Variants in CPNE8 observed in about 807,000 individuals in gnomAD.
CPNE8 encodes the protein copine-8.
CPNE8 carries 45 observed loss-of-function variants against 81.5 expected under a neutral mutation model. The ratio of observed to expected loss-of-function variants is 0.55; its 90% confidence interval spans 0.44 to 0.71. The LOEUF (loss-of-function observed/expected upper bound fraction) is 0.71. Among genes scored for constraint, CPNE8 ranks in the 30% least tolerant of loss-of-function variants. CPNE8 has a pLI of 0.00. For synonymous variants in CPNE8, 252 were observed against 226.3 expected (o/e 1.11, Z -1.02); for missense variants, 594 against 672.1 (o/e 0.88, Z 1.28).
chr12:38,675,893 G>T (rs1254158675), intron 17 of CPNE8, 119 bp from the exon 18 acceptor site: 44 of 698,760 alleles, frequency 6.3e-5, no homozygotes, highest in Non-Finnish European at 2.2e-5. Context: ...GCCAAAGAAG[G>T]AGGATTGCTT....
chr12:38,906,493 A>C, upstream of CPNE8: 6 of 985,718 alleles, frequency 6.1e-6, no homozygotes, highest in Non-Finnish European at 7.2e-6. Flanking sequence ...AAGGCATGAA[A>C]GTTCTGACCT....
In CPNE8 at chr12:38,775,538, A is replaced by G. The variant is rs999712511; in HGVS notation, c.471+700T>C. 3.9e-5 allele frequency among the ~76,000 whole-genome samples: 6 copies of G among 152,162 alleles called. No homozygotes were observed. In the East Asian group the frequency reaches 9.6e-4, roughly 24 times the overall value. ...AATTCCCAGAGATCTGCTGGCCCAC[A>G]TTAAACAGACAATATTGACTTCAGA... On this transcript the variant is annotated intron_variant, in intron 7 of 19. Coordinates refer to ENST00000331366, the MANE Select transcript of CPNE8 (RefSeq NM_153634.3).
chr12:38,685,814 T>C (rs1476018889), intron 15 of CPNE8, 197 bp from the exon 16 acceptor site: 1 of 430,280 alleles, frequency 2.3e-6, no homozygotes, highest in African/African-American at 2.0e-5. Flanking sequence ...ATTATGTAGA[T>C]AATAACATGA....
chr12:38,653,928 G>T lies in CPNE8; in HGVS notation c.1649C>A (p.Pro550His). 6.2e-7 allele frequency: 1 copy of T among 1,613,592 alleles called. No individual in the cohort carries two copies. Among genetic ancestry groups the T allele is most frequent in the Middle Eastern group, 1.7e-4 (1 of 5,800 alleles). ...RARGIKPSPA[P>H]PPYTPPTHVL... ...ATGTGTAGGTGGGGTGTATGGGGGA[G>T]GCGCAGGTGATGGCTTGATTCCTCG... The change falls in exon 20 of 20, where the codon CCT (proline) becomes CAT (histidine). Residue 550 changes from proline (P) to histidine (H), a missense_variant. Pro to His is a moderately conservative substitution (Grantham distance 77). Transcript: ENST00000331366.
chr12:38,868,064 C>T (rs1943940917), intron 3 of CPNE8, among the ~76,000 whole-genome samples: 1 of 152,026 alleles, frequency 6.6e-6, no homozygotes, highest in African/African-American at 2.4e-5. Context: ...TGATTCATCT[C>T]AGAACATAAA....
intron 6 of CPNE8, among the ~76,000 whole-genome samples, chr12:38,791,578 A>T (rs1347994095): frequency 6.6e-6 from 1 of 151,690 alleles, no homozygotes; most frequent in African/African-American, 2.4e-5. Flanking sequence ...AACCTAAACA[A>T]ACTAGCATTA....
At chr12:38,699,769 T>C (rs1444642311) in intron 14 of CPNE8, among the ~76,000 whole-genome samples, 2 of 152,220 alleles carry the variant, frequency 1.3e-5, no homozygotes, top group African/African-American at 4.8e-5. Flanking sequence ...ATTATATATA[T>C]TTCCAGAAGA....
At chr12:38,856,400 C>A (rs1943735014) in intron 3 of CPNE8, among the ~76,000 whole-genome samples, 1 of 152,044 alleles carries the variant, frequency 6.6e-6, no homozygotes, top group African/African-American at 2.4e-5. Flanking sequence ...AAGGGCACAA[C>A]TGGAAAAGAA....
At chr12:38,740,500 T>C (rs1252357423) in intron 10 of CPNE8, among the ~76,000 whole-genome samples, 7 of 152,232 alleles carry the variant, frequency 4.6e-5, no homozygotes, top group Non-Finnish European at 1.0e-4. Context: ...TTCCAGTTTT[T>C]GCCCATTCAG....
At chr12:38,807,268 A>C (rs1430445306) in intron 6 of CPNE8, among the ~76,000 whole-genome samples, 2 of 147,878 alleles carry the variant, frequency 1.4e-5, no homozygotes, top group East Asian at 2.0e-4. Context: ...GTTCATATGG[A>C]ACCAAAAAAG....
chr12:38,764,272 C>T (rs892481561), intron 8 of CPNE8, among the ~76,000 whole-genome samples: 3 of 152,146 alleles, frequency 2.0e-5, no homozygotes, highest in East Asian at 3.9e-4. Context: ...TAGGGGAGGG[C>T]TGTAGGGGCT....
chr12:38,823,003 A>G (rs1943129893), intron 6 of CPNE8, among the ~76,000 whole-genome samples: 1 of 140,260 alleles, frequency 7.1e-6, no homozygotes, highest in South Asian at 2.2e-4. Context: ...GCCCTGTTTT[A>G]TGGTGAGTTT....
rs1036452482 is a variant in CPNE8 at position 38,684,419 on chromosome 12, T to A, written c.1271+1071A>T. On this transcript the variant is annotated intron_variant, in intron 16 of 19. Coordinates refer to ENST00000331366, the MANE Select transcript of CPNE8 (RefSeq NM_153634.3). ...GGGGGTTGTGTATGTACAGGGTTAA[T>A]ATATATTAATAAAATTCATATTTTA... Among the ~76,000 whole-genome samples, 12 of 152,246 alleles carry A rather than the reference T, an allele frequency of 7.9e-5. No homozygotes were observed. In the South Asian group the frequency reaches 1.9e-3, roughly 24 times the overall value.
At chr12:38,783,479 C>A (rs1942099724) in intron 6 of CPNE8, among the ~76,000 whole-genome samples, 1 of 152,110 alleles carries the variant, frequency 6.6e-6, no homozygotes, top group African/African-American at 2.4e-5. Context: ...GAGGGGAGTG[C>A]AGCAATGGTG....
rs1167917594 is a variant in CPNE8 at position 38,803,457 on chromosome 12, A to C, written c.407+25922T>G. ...AAAAAGCCTTTGACAAAATTCAACA[A>C]CCCTTCATGCTAAAAACTTTCAATA... On this transcript the variant is annotated intron_variant, in intron 6 of 19. Transcript: ENST00000331366. 2.0e-5 allele frequency among the ~76,000 whole-genome samples: 3 copies of C among 150,652 alleles called. No homozygotes were observed. The East Asian group carries it at 5.9e-4, about 30-fold the overall frequency.
intron 19 of CPNE8, among the ~76,000 whole-genome samples, chr12:38,661,034 G>A (rs1326972669): frequency 6.6e-6 from 1 of 152,182 alleles, no homozygotes; most frequent in Non-Finnish European, 1.5e-5. Context: ...TTCAACTATT[G>A]TGGAAGACAG....
At chr12:38,886,299 G>C (rs186294613) in intron 1 of CPNE8, among the ~76,000 whole-genome samples, 24 of 152,244 alleles carry the variant, frequency 1.6e-4, no homozygotes, top group African/African-American at 5.5e-4. Context: ...CTGTAAAAAA[G>C]GAGATGATCA....
intron 6 of CPNE8, among the ~76,000 whole-genome samples, chr12:38,797,149 C>T (rs977097857): frequency 6.6e-6 from 1 of 152,210 alleles, no homozygotes. Flanking sequence ...CAGCAGTAAC[C>T]TCTGCAGACG....
chr12:38,719,584 G>GAAAAA (rs34008352), intron 13 of CPNE8, among the ~76,000 whole-genome samples: 2 of 124,160 alleles, frequency 1.6e-5, no homozygotes, highest in Non-Finnish European at 3.3e-5. Flanking sequence ...ATTGTCTCAG[G>GAAAAA]AAAAAAAAAA....
Sources: allele counts gnomAD v4.1 joint callset (sites outside exome capture counted in the v4.1 genomes callset), GRCh38; gene constraint gnomAD v4.1.1; transcripts MANE v1.5; gene names NCBI Gene and HGNC (gene_info 2026-07-23, HGNC 2026-07-21).